The following HADHB variants were observed in gnomAD, a reference collection of about 807,000 sequenced individuals.
The protein encoded by HADHB is trifunctional enzyme subunit beta, mitochondrial.
Under a neutral mutation model 61.9 loss-of-function variants are expected in HADHB, and 50 were observed. That is an observed-to-expected ratio of 0.81 (90% CI 0.64 to 1.02). The LOEUF (loss-of-function observed/expected upper bound fraction) is 1.02, where lower values mean the gene tolerates loss of function less well. Ranked by LOEUF, HADHB falls within the 50% of genes least tolerant of loss-of-function variation. The pLI, the probability that HADHB is intolerant of heterozygous loss-of-function variation, is 0.00. For synonymous variants in HADHB, 191 were observed against 201.6 expected (o/e 0.95, Z 0.45); for missense variants, 504 against 586.5 (o/e 0.86, Z 1.45).
chr2:26,253,621 G>A (rs1010657287), intron 1 of HADHB, among the ~76,000 whole-genome samples: 12 of 152,124 alleles, frequency 7.9e-5, no homozygotes, highest in African/African-American at 2.9e-4. Flanking sequence ...GGGAGGCCAA[G>A]GCGATGGATC....
At chr2:26,266,016 CAT>C (rs1672060497) in intron 4 of HADHB, among the ~76,000 whole-genome samples, 1 of 151,202 alleles carries the variant, frequency 6.6e-6, no homozygotes, top group Non-Finnish European at 1.5e-5. Flanking sequence ...GCTTGAGCAA[CAT>C]ATGAGCAACA....
chr2:26,269,060 A>G (rs1672221742), intron 4 of HADHB, among the ~76,000 whole-genome samples: 1 of 151,006 alleles, frequency 6.6e-6, no homozygotes, highest in African/African-American at 2.4e-5. Flanking sequence ...GAGGCAGGAG[A>G]ATTGCTTGAA....
intron 6 of HADHB, among the ~76,000 whole-genome samples, chr2:26,274,785 C>A (rs528206430): frequency 5.3e-5 from 8 of 152,088 alleles, no homozygotes; most frequent in African/African-American, 1.9e-4. Flanking sequence ...TATAAGAGCA[C>A]TTAAGATGTA....
At chr2:26,249,054 T>A (rs1425005697) in intron 1 of HADHB, among the ~76,000 whole-genome samples, 1 of 151,058 alleles carries the variant, frequency 6.6e-6, no homozygotes, top group African/African-American at 2.4e-5. Flanking sequence ...TGAGACTTTG[T>A]CTCAAAAAAA....
At chr2:26,274,502 G>GA (rs1672465813) in intron 6 of HADHB, among the ~76,000 whole-genome samples, 1 of 152,218 alleles carries the variant, frequency 6.6e-6, no homozygotes, top group African/African-American at 2.4e-5. Flanking sequence ...GAGCAGGACT[G>GA]AAAGTATTTG....
At chr2:26,253,298 A>C (rs1458150095) in intron 1 of HADHB, among the ~76,000 whole-genome samples, 1 of 152,070 alleles carries the variant, frequency 6.6e-6, no homozygotes, top group Non-Finnish European at 1.5e-5. Context: ...CAAACTTTGA[A>C]AAAGTTGCAA....
chr2:26,257,893 C>T (rs1438051215), intron 3 of HADHB, among the ~76,000 whole-genome samples: 3 of 152,068 alleles, frequency 2.0e-5, no homozygotes, highest in African/African-American at 7.2e-5. Flanking sequence ...GTGGCGGGCG[C>T]CTGTAATCCC....
At chr2:26,266,221 G>A (rs934330250) in intron 4 of HADHB, among the ~76,000 whole-genome samples, 3 of 151,874 alleles carry the variant, frequency 2.0e-5, no homozygotes, top group African/African-American at 7.3e-5. Context: ...GGCTATGAAC[G>A]TATATGAGCT....
At chr2:26,269,903 T>A in intron 4 of HADHB, 50 bp from the exon 5 acceptor site, 1 of 1,236,290 alleles carries the variant, frequency 8.1e-7, no homozygotes, top group Non-Finnish European at 1.2e-6. Flanking sequence ...TGAAAATTTT[T>A]CATTGAAGCT....
intron 1 of HADHB, among the ~76,000 whole-genome samples, chr2:26,249,023 C>T (rs946291665): frequency 6.6e-6 from 1 of 151,652 alleles, no homozygotes; most frequent in Non-Finnish European, 1.5e-5. Context: ...CGCCATTGCA[C>T]TCCAACCTGG....
intron 1 of HADHB, chr2:26,245,526 T>G (rs1671111921): frequency 1.3e-5 from 2 of 151,950 alleles, no homozygotes; most frequent in Admixed American, 1.3e-4. Flanking sequence ...TCCTGCGCTC[T>G]CGGGGGTTTT....
At chr2:26,261,221 C>T (rs979607333) in intron 3 of HADHB, 1 of 475,690 alleles carries the variant, frequency 2.1e-6, no homozygotes, top group African/African-American at 2.0e-5. Context: ...TACCCCCCCC[C>T]CATCCAGACA....
chr2:26,284,245 T>TA, intron 13 of HADHB, 41 bp downstream of exon 13: 1 of 1,046,622 alleles, frequency 9.6e-7, no homozygotes, highest in East Asian at 2.4e-5. Flanking sequence ...ACTATAGTCA[T>TA]AAAAAATGTC....
At chr2:26,260,372 C>T (rs59976771) in intron 3 of HADHB, among the ~76,000 whole-genome samples, 193 of 152,266 alleles carry the variant, frequency 1.3e-3, no homozygotes, top group African/African-American at 4.4e-3. Flanking sequence ...TGAGCCAGCA[C>T]GCCTGGCTTG....
chr2:26,253,258 C>T (rs1671471699), intron 1 of HADHB, among the ~76,000 whole-genome samples: 3 of 151,742 alleles, frequency 2.0e-5, no homozygotes, highest in South Asian at 4.2e-4. Context: ...ATATGTTTTA[C>T]TTTTTTATTG....
chr2:26,289,224 T>A (rs1450813042), intron 15 of HADHB, among the ~76,000 whole-genome samples: 8 of 152,104 alleles, frequency 5.3e-5, no homozygotes, highest in Non-Finnish European at 1.0e-4. Flanking sequence ...TACTCCAGCC[T>A]GGGCAACGGC....
chr2:26,283,142 T>C (rs1235687777), intron 12 of HADHB, 91 bp downstream of exon 12: 2 of 858,384 alleles, frequency 2.3e-6, no homozygotes, highest in African/African-American at 1.7e-5. Context: ...TAACACTGGT[T>C]TATTATTTAT....
chr2:26,288,070 T>C (rs11899770), intron 15 of HADHB, among the ~76,000 whole-genome samples: 6,987 of 152,052 alleles, frequency 0.046, 511 homozygotes, highest in African/African-American at 0.16. Flanking sequence ...AATTCGAGAC[T>C]AGCCTGGGCA....
chr2:26,278,131 G>A (rs6723270), intron 7 of HADHB, among the ~76,000 whole-genome samples: 4 of 152,196 alleles, frequency 2.6e-5, no homozygotes, highest in African/African-American at 4.8e-5. Context: ...GACTGGGGGC[G>A]TTCGCCACTC....
Sources: gnomAD v4.1 joint callset for allele counts (sites outside exome capture counted in the v4.1 genomes callset) on GRCh38, gnomAD v4.1.1 for gene constraint, MANE v1.5 for transcripts, NCBI Gene and HGNC (gene_info 2026-07-23, HGNC 2026-07-21) for gene names.